CACTIN: variants seen among roughly 807,000 people sequenced by gnomAD.
CACTIN encodes the protein splicing factor Cactin.
A neutral mutation model predicts 84.9 loss-of-function variants in CACTIN; 20 were observed. The observed-to-expected ratio is 0.24, with a 90% CI of 0.17 to 0.34. The LOEUF (loss-of-function observed/expected upper bound fraction) is 0.34. CACTIN is among the 10% of genes least tolerant of loss of function. The pLI, the probability that CACTIN is intolerant of heterozygous loss-of-function variation, is 1.00. For missense variants in CACTIN, 897 were observed against 1,117.2 expected, an observed-to-expected ratio of 0.80 and a Z score of 2.81; for synonymous variants, 549 against 467.9, an observed-to-expected ratio of 1.17 and a Z score of -2.24.
rs1053561547 is a variant in CACTIN, at chr19:3,616,384, G to A, written c.1163-1795C>T. On this transcript the variant is annotated intron_variant, in intron 6 of 9. Coordinates refer to ENST00000429344, the MANE Select transcript of CACTIN (RefSeq NM_001080543.2). ...CCAGCACTTTTGGAGGCTGAGGTGG[G>A]TGGATCACGAGGTCAGGAGATCAAG... The A allele has an allele frequency of 2.6e-5, 4 of 152,350 alleles. No individual in the cohort carries two copies. The East Asian group carries it at 7.7e-4, about 29-fold the overall frequency. 9.4% of individuals were successfully genotyped at this position (152,350 alleles called of 1,614,324 possible).
rs2033055664 is a variant in CACTIN, at chr19:3,614,339, G to C, written c.1355+58C>G. Reference sequence around the variant, plus strand: ...CCCACCCCACCCAGGACTCAGGAGGGGGCGAAACCCATCCCACCCGGACGG... The same window carrying C: ...CCCACCCCACCCAGGACTCAGGAGGCGGCGAAACCCATCCCACCCGGACGG... On this transcript the variant is annotated intron_variant, in intron 7 of 9. Coordinates refer to ENST00000429344, the MANE Select transcript of CACTIN (RefSeq NM_001080543.2). The C allele has an allele frequency of 5.9e-6, 9 of 1,514,162 alleles. No homozygotes were observed. In the South Asian group the frequency reaches 6.0e-5, roughly 10 times the overall value. The allele number at this position is 1,514,162 out of a possible 1,614,324, so 93.8% of individuals were successfully genotyped here.
rs1005770931 is a variant in CACTIN, at chr19:3,611,772, A to C, written c.*151T>G. The C allele has an allele frequency of 1.0e-6, 1 of 1,004,326 alleles. No homozygotes were observed. The highest frequency in any genetic ancestry group is 1.5e-6 in the Non-Finnish European group (1 of 662,570). 62.2% of individuals were successfully genotyped at this position (1,004,326 alleles called of 1,614,324 possible). ...TGACCCCCCTTTTATATAGGAGGAA[A>C]CTGAGGCCTGGCGAAAGAAAGATGC... On this transcript the variant is annotated 3_prime_UTR_variant, in exon 10 of 10. Coordinates refer to ENST00000429344, the MANE Select transcript of CACTIN (RefSeq NM_001080543.2).
chr19:3,623,001 C>T (rs974403115), intron 2 of CACTIN, among the ~76,000 whole-genome samples: 4 of 152,134 alleles, frequency 2.6e-5, no homozygotes, highest in East Asian at 1.9e-4. Flanking sequence ...TCTGGGAGGC[C>T]GAGGTGGGAA....
At chr19:3,616,166 G>C (rs2033102612) in intron 6 of CACTIN, 1 of 152,238 alleles carries the variant, frequency 6.6e-6, no homozygotes, top group Non-Finnish European at 1.5e-5. Flanking sequence ...GGGGCTGCGT[G>C]GGGGAAAGGC....
At chr19:3,624,408 C>CGA (rs1325160606) in intron 1 of CACTIN, among the ~76,000 whole-genome samples, 2 of 152,232 alleles carry the variant, frequency 1.3e-5, no homozygotes, top group Non-Finnish European at 2.9e-5. Context: ...GTAGCAATGC[C>CGA]GAGCACAGGG....
At chr19:3,619,040 G>A in intron 5 of CACTIN, 40 bp downstream of exon 5, 1 of 1,549,510 alleles carries the variant, frequency 6.5e-7, no homozygotes, top group East Asian at 2.4e-5. Context: ...GGGTGGGGGT[G>A]AGGGTGCAGG....
intron 1 of CACTIN, among the ~76,000 whole-genome samples, chr19:3,625,696 C>A (rs1172909974): frequency 6.6e-6 from 1 of 152,238 alleles, no homozygotes; most frequent in East Asian, 1.9e-4. Context: ...CACTGCACCC[C>A]AGCCTGGGCG....
chr19:3,612,788 G>A (rs1351693178), intron 9 of CACTIN: 2 of 702,564 alleles, frequency 2.8e-6, no homozygotes, highest in Middle Eastern at 2.3e-4. Context: ...GTCTTAGGAC[G>A]GAGGCTGCCC....
At chr19:3,619,017 A>G in intron 5 of CACTIN, 28 bp from the exon 6 acceptor site, 1 of 1,549,622 alleles carries the variant, frequency 6.5e-7, no homozygotes, top group South Asian at 1.2e-5. Context: ...GGGTCAGGAC[A>G]CGGGTGTGGC....
rs1000119889 is a variant in CACTIN at position 3,618,891 on chromosome 19, G to C, written c.1146C>G (p.Ala382=). 1.3e-6 allele frequency: 2 copies of C among 1,553,702 alleles called. No individual in the cohort carries two copies. Among genetic ancestry groups the C allele is most frequent in the East Asian group, 4.9e-5 (2 of 41,120 alleles). ...DEISKLRKLE[A]SGKGPGERRE... is the part of the protein sequence containing the mutation. ...CGCCGTTACCTGGCCCCTTGCCCGA[G>C]GCCTCCAGCTTGCGGAGCTTGGAGA... Residue 382 remains alanine, a synonymous_variant, in exon 6 of 10, where the codon GCC becomes GCG. Coordinates refer to ENST00000429344, the MANE Select transcript of CACTIN (RefSeq NM_001080543.2).
At chr19:3,620,105 G>A (rs1258627892) in intron 4 of CACTIN, 22 bp downstream of exon 4, 4 of 1,607,530 alleles carry the variant, frequency 2.5e-6, no homozygotes, top group Non-Finnish European at 3.4e-6. Context: ...TGGGTCGGAG[G>A]GAGGGGGAGG....
chr19:3,617,065 G>A (rs1328903235), intron 6 of CACTIN, among the ~76,000 whole-genome samples: 2 of 152,118 alleles, frequency 1.3e-5, no homozygotes, highest in Non-Finnish European at 2.9e-5. Context: ...AGGTCACAGT[G>A]AGCAGAGATC....
Position 3,626,742 on chromosome 19 carries a change from C to A in CACTIN, c.21G>T (p.Ser7=). The A allele has an allele frequency of 1.3e-6, 2 of 1,488,986 alleles. No homozygotes were observed. Among genetic ancestry groups the A allele is most frequent in the Non-Finnish European group, 1.8e-6 (2 of 1,125,974 alleles). The allele number at this position is 1,488,986 out of a possible 1,614,324, so 92.2% of individuals were successfully genotyped here. The part of the protein sequence containing the change: MGRDTR[S]RSRSAGRRGR... ...CCCGGCGACCCGCGGACCGCGAGCG[C>A]GAGCGTGTGTCCCGACCCATCGGCT... is the stretch of plus-strand genomic sequence containing the variant. The change falls in exon 1 of 10, where the codon TCG becomes TCT. Residue 7 remains serine, a synonymous_variant. Transcript: ENST00000429344.
chr19:3,617,001 AT>A (rs2145321842), intron 6 of CACTIN, among the ~76,000 whole-genome samples: 1 of 152,278 alleles, frequency 6.6e-6, no homozygotes, highest in South Asian at 2.1e-4. Context: ...CGCGTCTGTA[AT>A]CCCAGCTACT....
intron 6 of CACTIN, 59 bp downstream of exon 6, chr19:3,618,816 T>C (rs1030514411): frequency 5.2e-6 from 7 of 1,334,444 alleles, no homozygotes; most frequent in Admixed American, 2.1e-5. Context: ...CTGAGGCTTC[T>C]GGGTGAACAC....
intron 4 of CACTIN, 86 bp from the exon 5 acceptor site, chr19:3,619,328 G>A: frequency 6.7e-7 from 1 of 1,482,912 alleles, no homozygotes; most frequent in South Asian, 1.3e-5. Context: ...CCACACCAGT[G>A]GGAGCCGAGG....
rs763499062 is a variant in CACTIN at position 3,613,305 on chromosome 19, C to T, written c.1539G>A (p.Ala513=). The T allele has an allele frequency of 5.7e-6, 9 of 1,587,650 alleles. No individual in the cohort carries two copies. Among genetic ancestry groups the T allele is most frequent in the Admixed American group, 1.7e-5 (1 of 57,730 alleles). Residue 513 remains alanine (A), a synonymous_variant, in exon 9 of 10, where the codon GCG becomes GCA. Coordinates refer to ENST00000429344, the MANE Select transcript of CACTIN (RefSeq NM_001080543.2). ...GGGTCGCGCCGTCCACCTCGGCCTC[C>T]GCGGGGCCGCCCTCCGAGGAGGGCC... The part of the protein sequence containing the change: ...PPGPSSEGGP[A]EAEVDGATPT...
At position 3,611,867 on chromosome 19, in the gene CACTIN, A is replaced by C; in HGVS notation, c.*56T>G. On this transcript the variant is annotated 3_prime_UTR_variant, in exon 10 of 10. Transcript: ENST00000429344. ...CGGCCCCGGAGTGACCACCAGCTTC[A>C]CCGAAGCCCCTTTACTGTGCCCCCG... 1.3e-6 allele frequency: 2 copies of C among 1,589,364 alleles called. No homozygotes were observed. The highest frequency in any genetic ancestry group is 1.7e-6 in the Non-Finnish European group (2 of 1,171,948).
chr19:3,613,970 A>G, intron 7 of CACTIN: 1 of 402,966 alleles, frequency 2.5e-6, no homozygotes, highest in South Asian at 3.3e-5. Context: ...TGCCAAAAAC[A>G]CTCCAGAAAT....
Sources: allele counts gnomAD v4.1 joint callset (sites outside exome capture counted in the v4.1 genomes callset), GRCh38; gene constraint gnomAD v4.1.1; transcripts MANE v1.5; gene names NCBI Gene and HGNC (gene_info 2026-07-23, HGNC 2026-07-21).